The following TSPAN13 variants were observed in gnomAD, a reference collection of about 807,000 sequenced individuals.
TSPAN13 encodes tetraspanin-13.
A neutral mutation model predicts 26.9 loss-of-function variants in TSPAN13; 18 were observed. The observed-to-expected ratio is 0.67, with a 90% CI of 0.46 to 0.99. The LOEUF (loss-of-function observed/expected upper bound fraction) is 0.99, where lower values mean the gene tolerates loss of function less well. Ranked by LOEUF, TSPAN13 falls within the 50% of genes least tolerant of loss-of-function variation. The pLI is 0.00. For synonymous variants in TSPAN13, 116 were observed against 98.4 expected (o/e 1.18, Z -1.06); for missense variants, 201 against 249.6 (o/e 0.81, Z 1.31).
intron 1 of TSPAN13, among the ~76,000 whole-genome samples, chr7:16,762,106 T>C (rs1784548238): frequency 6.6e-6 from 1 of 152,232 alleles, no homozygotes; most frequent in Admixed American, 6.5e-5. Flanking sequence ...AATATTAAAA[T>C]CTGTCTTTTC....
intron 5 of TSPAN13, among the ~76,000 whole-genome samples, chr7:16,781,838 C>T (rs1784816818): frequency 6.6e-6 from 1 of 152,028 alleles, no homozygotes; most frequent in African/African-American, 2.4e-5. Context: ...CGGGGGGACT[C>T]AAAGAAATAG....
intron 1 of TSPAN13, among the ~76,000 whole-genome samples, chr7:16,773,054 G>A (rs191111303): frequency 6.7e-4 from 102 of 151,734 alleles, no homozygotes; most frequent in African/African-American, 2.4e-3. Context: ...TTTTACTACT[G>A]AAGATTATAT....
intron 1 of TSPAN13, among the ~76,000 whole-genome samples, chr7:16,758,928 T>C (rs1041032827): frequency 9.2e-5 from 14 of 152,232 alleles, no homozygotes; most frequent in Non-Finnish European, 1.5e-4. Context: ...TTTTTTATTC[T>C]AATAATGAAT....
intron 5 of TSPAN13, 133 bp downstream of exon 5, chr7:16,779,249 T>G (rs1784788156): frequency 3.2e-6 from 2 of 630,920 alleles, no homozygotes; most frequent in Non-Finnish European, 5.3e-6. Flanking sequence ...AAACTTGGTT[T>G]AGAATCAGAA....
At chr7:16,770,346 C>T (rs1784659931) in intron 1 of TSPAN13, among the ~76,000 whole-genome samples, 1 of 152,026 alleles carries the variant, frequency 6.6e-6, no homozygotes, top group Non-Finnish European at 1.5e-5. Flanking sequence ...GCTGGGATTA[C>T]AGGTGCCCAC....
At chr7:16,758,481 T>A (rs964079286) in intron 1 of TSPAN13, among the ~76,000 whole-genome samples, 1 of 152,214 alleles carries the variant, frequency 6.6e-6, no homozygotes, top group Non-Finnish European at 1.5e-5. Flanking sequence ...AATTAAGTTG[T>A]TACAGCTTCA....
At chr7:16,765,719 GAC>G (rs1372057206) in intron 1 of TSPAN13, among the ~76,000 whole-genome samples, 1 of 152,208 alleles carries the variant, frequency 6.6e-6, no homozygotes, top group African/African-American at 2.4e-5. Flanking sequence ...TGAATTAACA[GAC>G]ACATAATTCC....
chr7:16,783,351 A>G (rs1784834758), intron 5 of TSPAN13, 66 bp from the exon 6 acceptor site: 10 of 1,463,468 alleles, frequency 6.8e-6, no homozygotes, highest in Non-Finnish European at 8.5e-6. Context: ...TTTATTGATC[A>G]ACTGAATAAA....
rs564922472 is a variant in TSPAN13, at chr7:16,769,007, G to A, written c.64-7204G>A. On this transcript the variant is annotated intron_variant, in intron 1 of 5. Coordinates refer to ENST00000262067, the MANE Select transcript of TSPAN13 (RefSeq NM_014399.4). ...TTTCTGGCTGATTTTTGTATTTCTA[G>A]TAGAGACAGGGTTTCACTATGTTGG... 2.0e-5 allele frequency among the ~76,000 whole-genome samples: 3 copies of A among 152,120 alleles called. No homozygotes were observed. The South Asian group carries it at 6.2e-4, about 32-fold the overall frequency.
intron 2 of TSPAN13, 144 bp from the exon 3 acceptor site, chr7:16,776,898 C>T: frequency 2.2e-6 from 1 of 461,880 alleles, no homozygotes; most frequent in Non-Finnish European, 3.8e-6. Context: ...TATGTGTATC[C>T]TTTTTGAACT....
intron 1 of TSPAN13, among the ~76,000 whole-genome samples, chr7:16,758,999 ATT>A (rs1784512959): frequency 6.6e-6 from 1 of 152,210 alleles, no homozygotes; most frequent in African/African-American, 2.4e-5. Context: ...TGGAGTTTAT[ATT>A]TATGGGGGTG....
At chr7:16,770,103 C>T (rs563625182) in intron 1 of TSPAN13, among the ~76,000 whole-genome samples, 54 of 151,600 alleles carry the variant, frequency 3.6e-4, no homozygotes, top group African/African-American at 1.3e-3. Context: ...TTATGTGACT[C>T]TTTTTTAAGT....
rs10259704 is a variant in TSPAN13, at chr7:16,768,787, C to T, written c.64-7424C>T. Among the ~76,000 whole-genome samples, 220 of 152,334 alleles carry T rather than the reference C, an allele frequency of 1.4e-3. 2 individuals carry two copies. The highest frequency in any genetic ancestry group is 4.7e-3 in the African/African-American group (195 of 41,580). ...TCTCTGCTGACTTAGAATTTTGCCT[C>T]TCTCAAAGACTATGCTGCTGGCTTA... On this transcript the variant is annotated intron_variant, in intron 1 of 5. Coordinates refer to ENST00000262067, the MANE Select transcript of TSPAN13 (RefSeq NM_014399.4).
At chr7:16,764,049 C>T (rs549728058) in intron 1 of TSPAN13, among the ~76,000 whole-genome samples, 36 of 152,094 alleles carry the variant, frequency 2.4e-4, no homozygotes, top group Non-Finnish European at 4.9e-4. Flanking sequence ...GATGGAGTCT[C>T]GCTCTGTTGC....
intron 1 of TSPAN13, 152 bp downstream of exon 1, chr7:16,754,182 TC>T: frequency 2.5e-6 from 2 of 787,676 alleles, no homozygotes; most frequent in Non-Finnish European, 4.1e-6. Context: ...TCACCATCCG[TC>T]CCCGCCGGGG....
In TSPAN13 at chr7:16,777,896, T is replaced by G; in HGVS notation, c.411T>G (p.Asn137Lys). 6.2e-7 allele frequency: 1 copy of G among 1,612,776 alleles called. No homozygotes were observed. Among genetic ancestry groups the G allele is most frequent in the Non-Finnish European group, 8.5e-7 (1 of 1,179,058 alleles). Residue 137 changes from asparagine to lysine, a missense_variant, in exon 4 of 6, where the codon AAT (asparagine) becomes AAG (lysine). By Grantham distance (94) the Asn-to-Lys change is moderately conservative (BLOSUM62 0). Coordinates refer to ENST00000262067, the MANE Select transcript of TSPAN13 (RefSeq NM_014399.4). The stretch of plus-strand genomic sequence containing the variant: ...GTGGGTTCCGAAGTGTTAACCCAAA[T>G]GACACCTGTCTGGCTGTAAGTACAT... ...NCCGFRSVNP[N>K]DTCLASCVKS... is the part of the protein sequence containing the mutation.
At chr7:16,769,274 A>G (rs1784647334) in intron 1 of TSPAN13, among the ~76,000 whole-genome samples, 1 of 152,242 alleles carries the variant, frequency 6.6e-6, no homozygotes, top group African/African-American at 2.4e-5. Flanking sequence ...GGTGAAAACA[A>G]CAACAAGGGT....
At chr7:16,774,421 C>T (rs4721539) in intron 1 of TSPAN13, among the ~76,000 whole-genome samples, 58,735 of 152,028 alleles carry the variant, frequency 0.39, 11,767 homozygotes, top group African/African-American at 0.46. Flanking sequence ...CCTCCTGCCA[C>T]GCATCATCCA....
At chr7:16,782,609 G>A (rs988629317) in intron 5 of TSPAN13, among the ~76,000 whole-genome samples, 5 of 152,132 alleles carry the variant, frequency 3.3e-5, no homozygotes, top group Non-Finnish European at 7.4e-5. Flanking sequence ...ACTTGGTGCG[G>A]GAAATGGCAC....
Sources: gnomAD v4.1 joint callset for allele counts (sites outside exome capture counted in the v4.1 genomes callset) on GRCh38, gnomAD v4.1.1 for gene constraint, MANE v1.5 for transcripts, NCBI Gene and HGNC (gene_info 2026-07-23, HGNC 2026-07-21) for gene names.